The following NBEAL1 variants were observed in gnomAD, a reference collection of about 807,000 sequenced individuals.
NBEAL1 encodes neurobeachin like 1, also known as neurobeachin-like protein 1.
Under a neutral mutation model 351.3 loss-of-function variants are expected in NBEAL1, and 273 were observed. The observed-to-expected ratio is 0.78, with a 90% CI of 0.70 to 0.86. The LOEUF is 0.86. NBEAL1 is among the 40% of genes least tolerant of loss of function. NBEAL1 has a pLI of 0.00. For synonymous variants in NBEAL1, 1,050 were observed against 1,086.4 expected, an observed-to-expected ratio of 0.97 and a Z score of 0.66; for missense variants, 2,961 against 3,201.3, an observed-to-expected ratio of 0.92 and a Z score of 1.81.
intron 7 of NBEAL1, chr2:203,075,036 G>A (rs2061747258): frequency 6.6e-6 from 1 of 152,432 alleles, no homozygotes; most frequent in Non-Finnish European, 1.5e-5. Flanking sequence ...GATTGTGTGT[G>A]TGTGGGGTGG....
At chr2:203,126,527 T>A in intron 21 of NBEAL1, 30 bp from the exon 22 acceptor site, 1 of 1,400,012 alleles carries the variant, frequency 7.1e-7, no homozygotes, top group Non-Finnish European at 9.3e-7. Context: ...TAAACTGAAC[T>A]ATATGAAACC....
At position 203,135,717 on chromosome 2, in the gene NBEAL1, A is replaced by G. The variant is rs963009132; in HGVS notation, c.3854A>G (p.Gln1285Arg). The change falls in exon 28 of 56, where the codon CAA becomes CGA. Residue 1285 changes from glutamine (Q) to arginine (R), a missense_variant. By Grantham distance (43) the Gln-to-Arg change is conservative (BLOSUM62 1). Transcript: ENST00000683969. ...ILQFQPDAAH[Q>R]ISQQVGWQDT... ...CAGTTCCAGCCAGATGCAGCACATC[A>G]AATATCACAGCAAGTGGGTTGGCAA... 2 of 1,556,234 alleles carry G rather than the reference A, an allele frequency of 1.3e-6. No homozygotes were observed. Among genetic ancestry groups the G allele is most frequent in the Admixed American group, 2.0e-5 (1 of 49,628 alleles).
chr2:203,102,454 G>T (rs1197670037), intron 12 of NBEAL1, among the ~76,000 whole-genome samples: 1 of 152,176 alleles, frequency 6.6e-6, no homozygotes, highest in Non-Finnish European at 1.5e-5. Context: ...GTTTGTCATA[G>T]ATGGCTCTTA....
intron 2 of NBEAL1, among the ~76,000 whole-genome samples, chr2:203,020,701 TTA>T (rs2060756486): frequency 6.6e-6 from 1 of 150,916 alleles, no homozygotes; most frequent in South Asian, 2.1e-4. Context: ...AAACCCCAAA[TTA>T]TATAGTCTGA....
intron 43 of NBEAL1, 75 bp downstream of exon 43, chr2:203,180,587 T>G: frequency 3.0e-6 from 4 of 1,316,454 alleles, no homozygotes; most frequent in South Asian, 2.7e-5. Context: ...TCAGGACATT[T>G]TTGTAATATC....
intron 15 of NBEAL1, 42 bp downstream of exon 15, chr2:203,110,324 A>T (rs554013870): frequency 1.3e-6 from 2 of 1,516,708 alleles, no homozygotes; most frequent in East Asian, 5.0e-5. Flanking sequence ...AGTATGGTTA[A>T]TGGTATTTCC....
At chr2:203,187,703 A>G (rs2064945938) in intron 44 of NBEAL1, among the ~76,000 whole-genome samples, 1 of 151,632 alleles carries the variant, frequency 6.6e-6, no homozygotes, top group Non-Finnish European at 1.5e-5. Flanking sequence ...AGATCGTGCC[A>G]CTGCACTCCA....
At chr2:203,191,464 G>T in intron 46 of NBEAL1, 2 of 497,480 alleles carry the variant, frequency 4.0e-6, no homozygotes, top group South Asian at 6.8e-5. Context: ...TTAGATTAAT[G>T]GAAATTAATC....
chr2:203,167,513 T>C (rs2064172382), intron 38 of NBEAL1, among the ~76,000 whole-genome samples, 153 bp downstream of exon 38: 1 of 152,128 alleles, frequency 6.6e-6, no homozygotes. Flanking sequence ...GTGTATGAAT[T>C]TTTGTTGAGA....
rs754077218 is a variant in NBEAL1 at position 203,213,587 on chromosome 2, C to T, written c.8004C>T (p.Tyr2668=). The T allele has an allele frequency of 1.9e-6, 3 of 1,613,696 alleles. No individual in the cohort carries two copies. The Admixed American group carries it at 5.0e-5, about 27-fold the overall frequency. The change falls in exon 55 of 56, where the codon TAC becomes TAT. Residue 2668 remains tyrosine (Y), a synonymous_variant. Transcript: ENST00000683969. ...ATTGTGTTTGTGTCACCAAAGAATA[C>T]AGCCATATTCTTGTAGGTTTAGAAG... ...PIHCVCVTKE[Y]SHILVGLEDG... is the part of the protein sequence containing the mutation.
chr2:203,031,899 A>G (rs753689357), intron 2 of NBEAL1, among the ~76,000 whole-genome samples: 1 of 152,236 alleles, frequency 6.6e-6, no homozygotes, highest in Non-Finnish European at 1.5e-5. Context: ...CTTGTATACA[A>G]TCCCCTCCCA....
intron 10 of NBEAL1, among the ~76,000 whole-genome samples, chr2:203,095,565 A>G (rs564217796): frequency 6.6e-6 from 1 of 152,182 alleles, no homozygotes; most frequent in East Asian, 1.9e-4. Flanking sequence ...TGCTGGGATT[A>G]CAGGCGTGAG....
intron 12 of NBEAL1, among the ~76,000 whole-genome samples, chr2:203,107,167 T>C (rs2062457211): frequency 6.6e-6 from 1 of 152,196 alleles, no homozygotes; most frequent in Non-Finnish European, 1.5e-5. Flanking sequence ...ATAATAATTC[T>C]ATAACACAGT....
chr2:203,117,411 C>T lies in NBEAL1; in HGVS notation c.2592+1341C>T, dbSNP rs894924282. On this transcript the variant is annotated intron_variant, in intron 18 of 55. Transcript: ENST00000683969. ...TGGGGAGGCGGAGCTTGCATTGAGCCGAGATCGTGCCACTGCACTCCAGCC... is the reference window on the plus strand; with the variant it reads ...TGGGGAGGCGGAGCTTGCATTGAGCTGAGATCGTGCCACTGCACTCCAGCC... Among the ~76,000 whole-genome samples, 18 of 147,636 alleles carry T rather than the reference C, an allele frequency of 1.2e-4. 1 individual carries two copies. The highest frequency in any genetic ancestry group is 1.1e-3 in the Admixed American group (16 of 14,810).
intron 36 of NBEAL1, among the ~76,000 whole-genome samples, chr2:203,164,430 T>C (rs62182214): frequency 0.58 from 88,583 of 151,582 alleles, 27,249 homozygotes; most frequent in Middle Eastern, 0.78. Flanking sequence ...GGCTTTGTAA[T>C]TGGGATTTTT....
rs2065328395 is a variant in NBEAL1, at chr2:203,199,378, G to A, written c.7169G>A (p.Trp2390Ter). 1 of 1,607,072 alleles carries A rather than the reference G, an allele frequency of 6.2e-7. No individual in the cohort carries two copies. Among genetic ancestry groups the A allele is most frequent in the African/African-American group, 1.3e-5 (1 of 74,742 alleles). ...AATTATGTTATTGGAACCCATGGAT[G>A]GTTGCCTTATGACAGAAACATTTCT... is the stretch of plus-strand genomic sequence containing the variant. ...SMNYVIGTHG[W>*]LPYDRNISNY... The change falls in exon 49 of 56, where the codon TGG (tryptophan) becomes TAG (stop). Residue 2390 changes from tryptophan to a stop codon, truncating the protein, a stop_gained. Coordinates refer to ENST00000683969, the MANE Select transcript of NBEAL1 (RefSeq NM_001378026.1). LOFTEE classifies it high-confidence loss of function.
intron 18 of NBEAL1, 111 bp downstream of exon 18, chr2:203,116,181 T>C (rs1032835693): frequency 4.6e-5 from 35 of 753,796 alleles, no homozygotes; most frequent in Non-Finnish European, 6.2e-5. Flanking sequence ...GGGGTTTGAA[T>C]TGCCATCAAA....
At chr2:203,057,562 C>A in intron 6 of NBEAL1, 109 bp downstream of exon 6, 1 of 846,818 alleles carries the variant, frequency 1.2e-6, no homozygotes, top group Non-Finnish European at 1.8e-6. Context: ...GTATATAAGA[C>A]CCACAGATTT....
At chr2:203,211,548 G>A (rs1054467288) in intron 54 of NBEAL1, among the ~76,000 whole-genome samples, 3 of 152,046 alleles carry the variant, frequency 2.0e-5, no homozygotes, top group Non-Finnish European at 2.9e-5. Flanking sequence ...TTGGGAGGCT[G>A]AGGTGGGAGG....
Sources: allele counts gnomAD v4.1 joint callset (sites outside exome capture counted in the v4.1 genomes callset), GRCh38; gene constraint gnomAD v4.1.1; transcripts MANE v1.5; gene names NCBI Gene and HGNC (gene_info 2026-07-23, HGNC 2026-07-21).